RPL4: variants seen among roughly 807,000 people sequenced by gnomAD.
The protein encoded by RPL4 is ribosomal protein L4.
RPL4 carries 3 observed loss-of-function variants against 47.7 expected under a neutral mutation model. That is an observed-to-expected ratio of 0.06 (90% CI 0.03 to 0.16). RPL4 has a LOEUF of 0.16. Ranked by LOEUF, RPL4 falls within the 10% of genes least tolerant of loss-of-function variation. The pLI is 1.00. For synonymous variants in RPL4, 208 were observed against 182.1 expected (o/e 1.14, Z -1.15); for missense variants, 413 against 551.3 (o/e 0.75, Z 2.51).
chr15:66,502,100 T>G (rs757423915), intron 4 of RPL4, 188 bp from the exon 5 acceptor site: 8 of 837,080 alleles, frequency 9.6e-6, no homozygotes, highest in Non-Finnish European at 1.2e-5. Context: ...GACAGTTAAA[T>G]AAAAATGCGA....
rs79055112 is a variant in RPL4 at position 66,501,572 on chromosome 15, A to G, written c.547-68T>C. The G allele has an allele frequency of 3.1e-3, 4,902 of 1,595,380 alleles. 126 individuals are homozygous for G. In the African/African-American group the frequency reaches 0.057, roughly 19 times the overall value. ...TCTGCAATAGATCTTCAGAGTTTTA[A>G]TTCCTTTTTACAGATGATTAAACTG... On this transcript the variant is annotated intron_variant, in intron 5 of 9. Coordinates refer to ENST00000307961, the MANE Select transcript of RPL4 (RefSeq NM_000968.4).
At chr15:66,501,339 G>C (rs12101954) in intron 6 of RPL4, 36 bp downstream of exon 6, 406,318 of 1,611,992 alleles carry the variant, frequency 0.25, 53,784 homozygotes, top group Non-Finnish European at 0.27. Flanking sequence ...GACTTGCAGA[G>C]TATACCTAGT....
Position 66,503,159 on chromosome 15 carries a change from G to C in RPL4, c.181C>G (p.Gln61Glu), listed in dbSNP as rs768431706. ...GTACCCCAAGACTCAGCACTAGTCT[G>C]ATGACCTAAAATTGAGAAGAGATAA... The part of the protein sequence containing the change: ...PYAVSELAGH[Q>E]TSAESWGTGR... Residue 61 changes from glutamine to glutamate, a missense_variant, in exon 3 of 10, where the codon CAG (glutamine) becomes GAG (glutamate). Gln to Glu is a conservative substitution (Grantham distance 29). Around this residue, in one of 4 missense-constraint regions of RPL4, gnomAD observed 9 missense variants for 53.8 expected, o/e 0.17. Transcript: ENST00000307961. 3.7e-6 allele frequency: 6 copies of C among 1,613,808 alleles called. No individual in the cohort carries two copies. Among genetic ancestry groups the C allele is most frequent in the South Asian group, 1.1e-5 (1 of 91,048 alleles).
Position 66,504,791 on chromosome 15 carries a change from G to A in RPL4, c.-1C>T, listed in dbSNP as rs376337696. The A allele has an allele frequency of 1.1e-5, 18 of 1,611,834 alleles. No individual in the cohort carries two copies. Among genetic ancestry groups the A allele is most frequent in the African/African-American group, 1.3e-5 (1 of 74,810 alleles). Reference sequence around the variant, plus strand: ...AGCCAAGAGAACTTCCACTCACCATGGCGGAGAGAGGAGACAGCCACGCTC... The same window carrying A: ...AGCCAAGAGAACTTCCACTCACCATAGCGGAGAGAGGAGACAGCCACGCTC... On this transcript the variant is annotated 5_prime_UTR_variant, in exon 1 of 10. Coordinates refer to ENST00000307961, the MANE Select transcript of RPL4 (RefSeq NM_000968.4).
At position 66,499,291 on chromosome 15, in the gene RPL4, C is replaced by A; in HGVS notation, c.*116G>T. ...AAATGTCACTTTAAAAAAATTCTAACCAAGCTTTACAGAGCACACCAAGTC... is the reference window on the plus strand; with the variant it reads ...AAATGTCACTTTAAAAAAATTCTAAACAAGCTTTACAGAGCACACCAAGTC... On this transcript the variant is annotated 3_prime_UTR_variant, in exon 10 of 10. Transcript: ENST00000307961. 1 of 1,346,750 alleles carries A rather than the reference C, an allele frequency of 7.4e-7. No individual in the cohort carries two copies. The highest frequency in any genetic ancestry group is 1.0e-6 in the Non-Finnish European group (1 of 991,096). The allele number at this position is 1,346,750 out of a possible 1,614,324, so 83.4% of individuals were successfully genotyped here.
chr15:66,502,823 A>G (rs202239353), intron 3 of RPL4, 73 bp from the exon 4 acceptor site: 4 of 1,609,426 alleles, frequency 2.5e-6, no homozygotes, highest in East Asian at 4.5e-5. Context: ...GCTCAGTAAG[A>G]ATTTTCGTCA....
At chr15:66,501,962 A>G in intron 4 of RPL4, 50 bp from the exon 5 acceptor site, 2 of 1,552,858 alleles carry the variant, frequency 1.3e-6, no homozygotes, top group African/African-American at 1.4e-5. Flanking sequence ...CTTTTGGAGA[A>G]AAAAAAAAAA....
rs1341057919 is a variant in RPL4, at chr15:66,501,827, C to G, written c.507G>C (p.Leu169Phe). 1 of 1,611,682 alleles carries G rather than the reference C, an allele frequency of 6.2e-7. No individual in the cohort carries two copies. Among genetic ancestry groups the G allele is most frequent in the African/African-American group, 1.3e-5 (1 of 74,940 alleles). The change falls in exon 5 of 10, where the codon TTG becomes TTC. Residue 169 changes from leucine (L) to phenylalanine (F), a missense_variant. Leu to Phe is a conservative substitution (Grantham distance 22, BLOSUM62 0). Coordinates refer to ENST00000307961, the MANE Select transcript of RPL4 (RefSeq NM_000968.4). ...EGYKKTKEAV[L>F]LLKKLKAWND... is the part of the protein sequence containing the mutation. ...TCCAGGCTTTAAGTTTCTTAAGGAG[C>G]AAAACAGCTTCCTTGGTCTTCTTGT...
chr15:66,499,677 G>GT (rs757405428), intron 9 of RPL4, 25 bp from the exon 10 acceptor site: 12 of 1,612,410 alleles, frequency 7.4e-6, no homozygotes, highest in Admixed American at 1.7e-5. Context: ...GCAGAAAACA[G>GT]TAAGAATCAA....
chr15:66,504,218 TCTCTTACTACCATAGA>T (rs1567036005), intron 1 of RPL4, among the ~76,000 whole-genome samples: 1 of 152,178 alleles, frequency 6.6e-6, no homozygotes, highest in African/African-American at 2.4e-5. Context: ...TATGTTTTCA[TCTCTTACTACCATAGA>T]ATATTACTAC....
Position 66,504,781 on chromosome 15 carries a change from C to G in RPL4, c.3+7G>C. On this transcript the variant is annotated splice_region_variant and intron_variant, in intron 1 of 9. Transcript: ENST00000307961. ...GGGTAAGGCCAGCCAAGAGAACTTC[C>G]ACTCACCATGGCGGAGAGAGGAGAC... is the stretch of plus-strand genomic sequence containing the variant. 1 of 1,612,242 alleles carries G rather than the reference C, an allele frequency of 6.2e-7. No homozygotes were observed. Among genetic ancestry groups the G allele is most frequent in the Admixed American group, 1.7e-5 (1 of 59,828 alleles).
intron 8 of RPL4, 23 bp from the exon 9 acceptor site, chr15:66,500,199 T>C (rs1893581925): frequency 1.2e-6 from 2 of 1,613,726 alleles, no homozygotes; most frequent in Non-Finnish European, 8.5e-7. Context: ...AGATACTGTA[T>C]CAACATTTTA....
intron 4 of RPL4, 176 bp downstream of exon 4, chr15:66,502,436 A>G (rs913655219): frequency 7.3e-6 from 5 of 682,988 alleles, no homozygotes; most frequent in Non-Finnish European, 1.2e-5. Context: ...ATTTGTCAAG[A>G]TCAAATCAGT....
At chr15:66,499,865 A>G (rs1893573768) in intron 9 of RPL4, 191 bp downstream of exon 9, 4 of 929,270 alleles carry the variant, frequency 4.3e-6, no homozygotes, top group Non-Finnish European at 4.7e-6. Context: ...TCTACTGAAA[A>G]TACAAAAATT....
chr15:66,503,607 TTAAA>T, intron 1 of RPL4, 78 bp from the exon 2 acceptor site: 1 of 1,412,906 alleles, frequency 7.1e-7, no homozygotes, highest in Non-Finnish European at 9.5e-7. Flanking sequence ...AACAATACCA[TTAAA>T]TACTCAATTG....
At chr15:66,502,393 T>C in intron 4 of RPL4, 1 of 556,608 alleles carries the variant, frequency 1.8e-6, no homozygotes, top group Non-Finnish European at 3.1e-6. Context: ...GTAACATGTA[T>C]TTCTGGAGTA....
At chr15:66,504,712 T>C in intron 1 of RPL4, 76 bp downstream of exon 1, 4 of 1,588,080 alleles carry the variant, frequency 2.5e-6, no homozygotes, top group South Asian at 2.3e-5. Context: ...CTACAGATTC[T>C]ATGCTCCGAA....
rs1034514296 is a variant in RPL4 at position 66,498,957 on chromosome 15, C to T, written c.*450G>A. The T allele has an allele frequency of 9.7e-5, 16 of 164,664 alleles. No homozygotes were observed. Among genetic ancestry groups the T allele is most frequent in the African/African-American group, 3.6e-4 (15 of 41,512 alleles). 10.2% of individuals were successfully genotyped at this position (164,664 alleles called of 1,614,324 possible). A position where few individuals can be genotyped will look rare whatever the true frequency, so the allele number is the denominator to read the frequency against. On this transcript the variant is annotated 3_prime_UTR_variant, in exon 10 of 10. Transcript: ENST00000307961. ...TTGTTATAGCTGGTTAAAAAGAACA[C>T]TTCTCAAGAGGTAATCAATTTTACT...
intron 1 of RPL4, among the ~76,000 whole-genome samples, chr15:66,504,534 C>T (rs1595897704): frequency 6.6e-6 from 1 of 151,872 alleles, no homozygotes; most frequent in South Asian, 2.1e-4. Context: ...AACAGAAGGT[C>T]CCACTGCTCC....
Sources: allele counts gnomAD v4.1 joint callset (sites outside exome capture counted in the v4.1 genomes callset), GRCh38; gene constraint gnomAD v4.1.1; regional missense constraint gnomAD v4.1.1; transcripts MANE v1.5; gene names NCBI Gene and HGNC (gene_info 2026-07-23, HGNC 2026-07-21).